Variants in CHD5 observed in about 807,000 individuals in gnomAD.
CHD5 encodes the protein ATP-dependent chromatin remodeler CHD5.
Under a neutral mutation model 230.3 loss-of-function variants are expected in CHD5, and 69 were observed. The observed-to-expected ratio is 0.30, with a 90% CI of 0.25 to 0.37. The LOEUF (loss-of-function observed/expected upper bound fraction) is 0.37, where lower values mean the gene tolerates loss of function less well. Among genes scored for constraint, CHD5 ranks in the 10% least tolerant of loss-of-function variants. CHD5 has a pLI of 1.00. For missense variants in CHD5, 1,827 were observed against 2,622.8 expected, an observed-to-expected ratio of 0.70 and a Z score of 6.63; for synonymous variants, 1,064 against 1,065.9, an observed-to-expected ratio of 1.00 and a Z score of 0.03.
chr1:6,135,670 G>A (rs1341948052), intron 17 of CHD5, among the ~76,000 whole-genome samples: 2 of 152,196 alleles, frequency 1.3e-5, no homozygotes, highest in Non-Finnish European at 2.9e-5. Context: ...TGAGGAAACT[G>A]ACTCTGATGA....
At chr1:6,119,290 G>A (rs548134715) in intron 33 of CHD5, among the ~76,000 whole-genome samples, 99 of 152,094 alleles carry the variant, frequency 6.5e-4, no homozygotes, top group Non-Finnish European at 1.2e-3. Flanking sequence ...TAGTAGAGAC[G>A]GGTTTCACCA....
At chr1:6,140,093 G>A (rs534699626) in intron 15 of CHD5, among the ~76,000 whole-genome samples, 2 of 152,290 alleles carry the variant, frequency 1.3e-5, no homozygotes, top group East Asian at 3.9e-4. Context: ...TCCTCAATGT[G>A]GAGAGGGTTT....
chr1:6,135,211 G>C lies in CHD5; in HGVS notation c.2870+19C>G, dbSNP rs1287352890. On this transcript the variant is annotated intron_variant, in intron 18 of 41. Transcript: ENST00000262450. ...GAAAGGGCGAGCACAGGCTGCTCCGGGGTCAGCCCATCACTCACTTCTGCA... is the reference window on the plus strand; with the variant it reads ...GAAAGGGCGAGCACAGGCTGCTCCGCGGTCAGCCCATCACTCACTTCTGCA... The C allele has an allele frequency of 2.5e-6, 4 of 1,613,608 alleles. No individual in the cohort carries two copies. In the African/African-American group the frequency reaches 4.0e-5, roughly 16 times the overall value.
At chr1:6,158,923 C>T (rs1343034358) in intron 3 of CHD5, among the ~76,000 whole-genome samples, 76 of 137,662 alleles carry the variant, frequency 5.5e-4, no homozygotes, top group Middle Eastern at 3.7e-3. Flanking sequence ...AGGAGAATGG[C>T]GTGAACCCGG....
At chr1:6,111,453 G>A (rs1342816690) in intron 36 of CHD5, among the ~76,000 whole-genome samples, 2 of 151,428 alleles carry the variant, frequency 1.3e-5, no homozygotes, top group East Asian at 3.9e-4. Context: ...AGAATCGCTT[G>A]AACCCGGGAG....
Position 6,103,405 on chromosome 1 carries a change from G to C in CHD5, c.*2069C>G, listed in dbSNP as rs1666106432. 5 of 152,672 alleles carry C rather than the reference G, an allele frequency of 3.3e-5. No homozygotes were observed. Among genetic ancestry groups the C allele is most frequent in the Non-Finnish European group, 1.5e-5 (1 of 68,336 alleles). 9.5% of individuals were successfully genotyped at this position (152,672 alleles called of 1,614,324 possible). A position where few individuals can be genotyped will look rare whatever the true frequency, so the allele number is the denominator to read the frequency against. On this transcript the variant is annotated 3_prime_UTR_variant, in exon 42 of 42. Transcript: ENST00000262450. Reference sequence around the variant, plus strand: ...CTGCCTGAGAGGAAGGCGCACAGGGGAGGGACCATCAGCCCTTGGGGTGGA... The same window carrying C: ...CTGCCTGAGAGGAAGGCGCACAGGGCAGGGACCATCAGCCCTTGGGGTGGA...
chr1:6,125,872 G>T lies in CHD5; in HGVS notation c.4079-14C>A, dbSNP rs539541710. 27 of 1,596,804 alleles carry T rather than the reference G, an allele frequency of 1.7e-5. No individual in the cohort carries two copies. In the East Asian group the frequency reaches 5.1e-4, roughly 30 times the overall value. On this transcript the variant is annotated splice_polypyrimidine_tract_variant and intron_variant, in intron 26 of 41. Coordinates refer to ENST00000262450, the MANE Select transcript of CHD5 (RefSeq NM_015557.3). This position sits in a 1 kb window ranked among gnomAD's most constrained non-coding sequence, Gnocchi z 6.7. Reference sequence around the variant, plus strand: ...CATCCTGCCACTCTGCAGGGGGCCAGACAGAGGGGCACGGAGTGAGCTGTA... The same window carrying T: ...CATCCTGCCACTCTGCAGGGGGCCATACAGAGGGGCACGGAGTGAGCTGTA...
rs556363980 is a variant in CHD5, at chr1:6,117,032, C to T, written c.4913-4034G>A. Among the ~76,000 whole-genome samples, 5 of 152,206 alleles carry T rather than the reference C, an allele frequency of 3.3e-5. No individual in the cohort carries two copies. The South Asian group carries it at 6.2e-4, about 19-fold the overall frequency. On this transcript the variant is annotated intron_variant, in intron 33 of 41. Coordinates refer to ENST00000262450, the MANE Select transcript of CHD5 (RefSeq NM_015557.3). ...AGTCCTCATATTACTCAGGGGTATA[C>T]ATGTTAAAAATGTTAAGAGTACAGA...
intron 15 of CHD5, among the ~76,000 whole-genome samples, chr1:6,140,796 A>G (rs1666814569): frequency 6.6e-6 from 1 of 151,904 alleles, no homozygotes; most frequent in Non-Finnish European, 1.5e-5. Flanking sequence ...GCCCAGAAGT[A>G]CAAGACCAGC....
Position 6,136,653 on chromosome 1 carries a change from G to T in CHD5, c.2575-15C>A. On this transcript the variant is annotated splice_polypyrimidine_tract_variant and intron_variant, in intron 16 of 41. Transcript: ENST00000262450. ...ACCCTAAAAAACTGAGGGGAGGAGA[G>T]TGGGGCCTGTCAGGGGGCTCTGGGC... is the stretch of plus-strand genomic sequence containing the variant. 7 of 1,613,878 alleles carry T rather than the reference G, an allele frequency of 4.3e-6. No homozygotes were observed. Among genetic ancestry groups the T allele is most frequent in the Non-Finnish European group, 5.9e-6 (7 of 1,179,870 alleles).
intron 25 of CHD5, among the ~76,000 whole-genome samples, chr1:6,127,318 C>T (rs1666574717): frequency 6.6e-6 from 1 of 152,094 alleles, no homozygotes; most frequent in African/African-American, 2.4e-5. Flanking sequence ...AAAGTCCCAT[C>T]TCTACTAAAA....
chr1:6,128,410 C>CA lies in CHD5; in HGVS notation c.3730+88dup, dbSNP rs1666597938. On this transcript the variant is annotated intron_variant, in intron 24 of 41. Transcript: ENST00000262450. This position sits in a 1 kb window ranked among gnomAD's most constrained non-coding sequence, Gnocchi z 7.8. The stretch of plus-strand genomic sequence containing the variant: ...GCCCACCTGGCAGTCCCAGGACGCC[C>CA]AAGTGAGGGCAGGTCAGGGAACCCC... 8.1e-7 allele frequency: 1 copy of CA among 1,228,860 alleles called. No homozygotes were observed. The highest frequency in any genetic ancestry group is 1.9e-5 in the Admixed American group (1 of 52,068). The allele number at this position is 1,228,860 out of a possible 1,614,324, so 76.1% of individuals were successfully genotyped here.
At chr1:6,132,691 T>C (rs369564337) in intron 20 of CHD5, among the ~76,000 whole-genome samples, 183 of 152,344 alleles carry the variant, frequency 1.2e-3, no homozygotes, top group Middle Eastern at 6.8e-3. Context: ...TCTTCAACAG[T>C]GTTCAGAGTC....
At chr1:6,123,067 C>CAA (rs879630313) in intron 31 of CHD5, among the ~76,000 whole-genome samples, 2 of 116,348 alleles carry the variant, frequency 1.7e-5, no homozygotes, top group African/African-American at 3.2e-5. Flanking sequence ...AACTCCATCT[C>CAA]AAAAAAAAAA....
At position 6,128,794 on chromosome 1, in the gene CHD5, G is replaced by T; in HGVS notation, c.3619+44C>A. Reference sequence around the variant, plus strand: ...AGCCCTGGATGGGTGTCTCAGCCGGGCCACCCCAGTCCCCTGCCACGCTCC... The same window carrying T: ...AGCCCTGGATGGGTGTCTCAGCCGGTCCACCCCAGTCCCCTGCCACGCTCC... On this transcript the variant is annotated intron_variant, in intron 23 of 41. Transcript: ENST00000262450. The surrounding 1 kb of genome is among the most constrained non-coding windows in gnomAD (Gnocchi z 7.8). 6.5e-7 allele frequency: 1 copy of T among 1,544,922 alleles called. No individual in the cohort carries two copies.
chr1:6,111,534 A>C (rs1229389428), intron 36 of CHD5, among the ~76,000 whole-genome samples: 1 of 141,138 alleles, frequency 7.1e-6, no homozygotes, highest in Non-Finnish European at 1.6e-5. Flanking sequence ...ACTCTATCTC[A>C]AAAAAAAAAA....
At chr1:6,139,988 G>C (rs1054453266) in intron 15 of CHD5, among the ~76,000 whole-genome samples, 1 of 152,290 alleles carries the variant, frequency 6.6e-6, no homozygotes, top group South Asian at 2.1e-4. Flanking sequence ...GGAGGAGGCC[G>C]ACCTGAGGGA....
intron 40 of CHD5, 29 bp from the exon 41 acceptor site, chr1:6,106,316 G>C: frequency 6.2e-7 from 1 of 1,612,778 alleles, no homozygotes. Context: ...AGCCGGGCTT[G>C]CCTGACGTTG....
intron 2 of CHD5, among the ~76,000 whole-genome samples, chr1:6,160,506 GAGA>G (rs1557559717): frequency 1.6e-5 from 2 of 123,856 alleles, no homozygotes; most frequent in Non-Finnish European, 3.5e-5. Context: ...GCCAGAGAAG[GAGA>G]GCCCCAGCCA....
Sources: gnomAD v4.1 joint callset for allele counts (sites outside exome capture counted in the v4.1 genomes callset) on GRCh38, gnomAD v4.1.1 for gene constraint, Gnocchi (gnomAD v3.1) non-coding constraint, MANE v1.5 for transcripts, NCBI Gene and HGNC (gene_info 2026-07-23, HGNC 2026-07-21) for gene names.